KAT6A: variants seen among roughly 807,000 people sequenced by gnomAD.
KAT6A encodes the protein histone acetyltransferase KAT6A.
A neutral mutation model predicts 198.4 loss-of-function variants in KAT6A; 9 were observed. The ratio of observed to expected loss-of-function variants is 0.05; its 90% confidence interval spans 0.03 to 0.08. The LOEUF (loss-of-function observed/expected upper bound fraction) is 0.08. Among genes scored for constraint, KAT6A ranks in the 10% least tolerant of loss-of-function variants. The probability of loss-of-function intolerance (pLI) is 1.00; values close to 1 mark genes in which losing one functional copy is unlikely to be tolerated. For missense variants in KAT6A, 2,077 were observed against 2,509.9 expected, an observed-to-expected ratio of 0.83 and a Z score of 3.69; for synonymous variants, 890 against 883.0, an observed-to-expected ratio of 1.01 and a Z score of -0.14.
chr8:41,957,545 G>T, intron 8 of KAT6A: 1 of 258,956 alleles, frequency 3.9e-6, no homozygotes, highest in Non-Finnish European at 7.7e-6. Flanking sequence ...ATATAATCAA[G>T]GGCACAAAAT....
chr8:41,930,119 G>C lies in KAT6A; in HGVS notation c.*2086C>G, dbSNP rs772389285. The C allele has an allele frequency of 2.6e-5, 6 of 231,882 alleles. No homozygotes were observed. The highest frequency in any genetic ancestry group is 8.8e-5 in the African/African-American group (4 of 45,200). The allele number at this position is 231,882 out of a possible 1,614,324, so 14.4% of individuals were successfully genotyped here. On this transcript the variant is annotated 3_prime_UTR_variant, in exon 17 of 17. Coordinates refer to ENST00000265713, the MANE Select transcript of KAT6A (RefSeq NM_006766.5). ...TTGTGGAAAAGGGAGCTGCCCGATT[G>C]AATTTTTTATAAAGAAACAAACAAA...
intron 2 of KAT6A, among the ~76,000 whole-genome samples, chr8:41,999,558 T>C (rs1433929996): frequency 6.6e-6 from 1 of 152,238 alleles, no homozygotes; most frequent in Non-Finnish European, 1.5e-5. Context: ...TCCAGTCATT[T>C]GCCTGGCTCA....
At chr8:42,003,025 G>A (rs527789369) in intron 2 of KAT6A, among the ~76,000 whole-genome samples, 7 of 152,160 alleles carry the variant, frequency 4.6e-5, no homozygotes, top group African/African-American at 1.7e-4. Context: ...CTTCTCTACC[G>A]GGCCTTATGA....
At position 41,940,957 on chromosome 8, in the gene KAT6A, T is replaced by A; in HGVS notation, c.2924A>T (p.Glu975Val). 1 of 1,614,204 alleles carries A rather than the reference T, an allele frequency of 6.2e-7. No individual in the cohort carries two copies. The highest frequency in any genetic ancestry group is 8.5e-7 in the Non-Finnish European group (1 of 1,180,042). ...GSERLPRRYS[E>V]GDRAVLRGFS... is the part of the protein sequence containing the mutation. ...GCCCCTGAGGACAGCCCTGTCACCC[T>A]CACTGTAGCGACGGGGCAGCCTCTC... is the stretch of plus-strand genomic sequence containing the variant. The change falls in exon 15 of 17, where the codon GAG becomes GTG. Residue 975 changes from glutamate to valine, a missense_variant. Transcript: ENST00000265713.
rs1019365282 is a variant in KAT6A, at chr8:41,971,602, A to G, written c.1482+3102T>C. On this transcript the variant is annotated intron_variant, in intron 8 of 16. Transcript: ENST00000265713. Reference sequence around the variant, plus strand: ...TCATATACAGCCTTGGAGATGAGAGAACAGACTCTTTTTTTTTTTTTTTAA... The same window carrying G: ...TCATATACAGCCTTGGAGATGAGAGGACAGACTCTTTTTTTTTTTTTTTAA... Among the ~76,000 whole-genome samples the G allele has an allele frequency of 2.5e-5, 3 of 119,610 alleles. No homozygotes were observed. In the South Asian group the frequency reaches 8.8e-4, roughly 35 times the overall value. The allele number at this position is 119,610 out of a possible 152,430, so 78.5% of individuals were successfully genotyped here.
chr8:41,956,091 C>T (rs1037451064), intron 8 of KAT6A, among the ~76,000 whole-genome samples: 2 of 152,284 alleles, frequency 1.3e-5, no homozygotes. Context: ...CTGCAATAGT[C>T]TGAACTACAT....
At chr8:41,944,152 A>C (rs962947325) in intron 12 of KAT6A, among the ~76,000 whole-genome samples, 173 bp from the exon 13 acceptor site, 1 of 152,302 alleles carries the variant, frequency 6.6e-6, no homozygotes, top group South Asian at 2.1e-4. Context: ...AAATCTGCAG[A>C]AAGAATACAT....
rs140297976 is a variant in KAT6A, at chr8:42,028,904, T to C, written c.600+19474A>G. ...TGCTCTTCTAGTGAGTTTTATGTAT[T>C]TGCATGTTTTCATGGCGGTACATAT... On this transcript the variant is annotated intron_variant, in intron 2 of 16. Transcript: ENST00000265713. Among the ~76,000 whole-genome samples, 320 of 152,352 alleles carry C rather than the reference T, an allele frequency of 2.1e-3. 1 individual carries two copies. Among genetic ancestry groups the C allele is most frequent in the Middle Eastern group, 6.8e-3 (2 of 294 alleles).
At chr8:41,946,730 G>T in intron 11 of KAT6A, 46 bp from the exon 12 acceptor site, 2 of 1,103,988 alleles carry the variant, frequency 1.8e-6, no homozygotes, top group Non-Finnish European at 1.4e-6. Context: ...GCTGGTAAAA[G>T]TGAATAATAA....
Position 41,933,320 on chromosome 8 carries a change from A to G in KAT6A, c.4900T>C (p.Ser1634Pro). The G allele has an allele frequency of 6.4e-7, 1 of 1,574,196 alleles. No individual in the cohort carries two copies. Among genetic ancestry groups the G allele is most frequent in the South Asian group, 1.2e-5 (1 of 86,030 alleles). ...CTCTCCACCACGCAGCTCTGAGGTG[A>G]CTTGATGCTGCAGTTGGCAGCAGGC... ...VQPAANCSIK[S>P]PQSCVVERPP... Residue 1634 changes from serine to proline, a missense_variant, in exon 17 of 17, where the codon TCA becomes CCA. By Grantham distance (74) the Ser-to-Pro change is moderately conservative. Coordinates refer to ENST00000265713, the MANE Select transcript of KAT6A (RefSeq NM_006766.5). The surrounding 1 kb of genome is among the most constrained non-coding windows in gnomAD (Gnocchi z 6.2).
chr8:41,957,603 T>G (rs920006124), intron 8 of KAT6A: 14 of 224,520 alleles, frequency 6.2e-5, no homozygotes, highest in Non-Finnish European at 7.3e-5. Flanking sequence ...TCCTCCTAAT[T>G]TAAATATGCC....
At chr8:41,980,741 A>C in intron 5 of KAT6A, 105 bp downstream of exon 5, 1 of 875,214 alleles carries the variant, frequency 1.1e-6, no homozygotes, top group East Asian at 2.5e-5. Flanking sequence ...TACAACCTCA[A>C]AAAGAAAGAT....
intron 14 of KAT6A, 83 bp downstream of exon 14, chr8:41,942,710 G>A: frequency 7.1e-7 from 1 of 1,401,482 alleles, no homozygotes; most frequent in Non-Finnish European, 9.8e-7. Flanking sequence ...TGTGAAAGAT[G>A]ATCATAATAC....
chr8:42,007,393 T>C (rs946549257), intron 2 of KAT6A, among the ~76,000 whole-genome samples: 1 of 152,232 alleles, frequency 6.6e-6, no homozygotes, highest in South Asian at 2.1e-4. Context: ...AAAGTCTCTT[T>C]CAGTTCTTAA....
chr8:41,957,454 T>C (rs1407068256), intron 8 of KAT6A: 1 of 336,558 alleles, frequency 3.0e-6, no homozygotes, highest in African/African-American at 2.2e-5. Context: ...AAGGTTACCT[T>C]TGCTAGGTCT....
At chr8:41,959,880 C>T (rs781379484) in intron 8 of KAT6A, among the ~76,000 whole-genome samples, 1 of 151,734 alleles carries the variant, frequency 6.6e-6, no homozygotes, top group Admixed American at 6.6e-5. Context: ...CACTTGAACC[C>T]GGGAGGCAGA....
At position 42,048,616 on chromosome 8, in the gene KAT6A, A is replaced by G. The variant is rs1197495261; in HGVS notation, c.362T>C (p.Ile121Thr). The change falls in exon 2 of 17, where the codon ATT (isoleucine) becomes ACT (threonine). Residue 121 changes from isoleucine to threonine, a missense_variant. By Grantham distance (89) the Ile-to-Thr change is moderately conservative. Coordinates refer to ENST00000265713, the MANE Select transcript of KAT6A (RefSeq NM_006766.5). ...CTTCTGACCTTTCAAAAAACGTTCA[A>G]TGCTTTTCAAAGTTGAGCCACCAGA... is the stretch of plus-strand genomic sequence containing the variant. ...AESGGSTLKSIERFLKGQKDV... is the reference protein window; with the variant it reads ...AESGGSTLKSTERFLKGQKDV... The G allele has an allele frequency of 6.2e-7, 1 of 1,614,174 alleles. No individual in the cohort carries two copies. The highest frequency in any genetic ancestry group is 1.1e-5 in the South Asian group (1 of 91,082).
At chr8:42,004,309 G>A (rs945033592) in intron 2 of KAT6A, among the ~76,000 whole-genome samples, 2 of 152,214 alleles carry the variant, frequency 1.3e-5, no homozygotes, top group African/African-American at 2.4e-5. Flanking sequence ...TTCCTAAACT[G>A]TATAAGCCTG....
chr8:42,027,991 G>A (rs899621704), intron 2 of KAT6A, among the ~76,000 whole-genome samples: 5 of 151,864 alleles, frequency 3.3e-5, no homozygotes, highest in African/African-American at 1.2e-4. Context: ...TTCATTCTTA[G>A]TATCTTCATT....
Sources: gnomAD v4.1 joint callset for allele counts (sites outside exome capture counted in the v4.1 genomes callset) on GRCh38, gnomAD v4.1.1 for gene constraint, Gnocchi (gnomAD v3.1) non-coding constraint, MANE v1.5 for transcripts, NCBI Gene and HGNC (gene_info 2026-07-23, HGNC 2026-07-21) for gene names.